The following SAFB variants were observed in gnomAD, a reference collection of about 807,000 sequenced individuals.
SAFB encodes the protein scaffold attachment factor B1.
In SAFB, 15 loss-of-function variants were observed where a neutral mutation model predicts 101.6. The observed-to-expected ratio is 0.15, with a 90% confidence interval of 0.10 to 0.23. The LOEUF is 0.23. Among genes scored for constraint, SAFB ranks in the 10% least tolerant of loss-of-function variants. The pLI is 1.00. For missense variants in SAFB, 930 were observed against 1,104.1 expected (o/e 0.84, Z 2.23); for synonymous variants, 449 against 407.5 (o/e 1.10, Z -1.23).
At position 5,667,212 on chromosome 19, in the gene SAFB, G is replaced by C. The variant is rs751529190; in HGVS notation, c.2453+48G>C. Reference sequence around the variant, plus strand: ...TACCTGACCCCCCCCCCGCCCACAAGGGGGCCCGCAAGTCGCTGGGATGTG... The same window carrying C: ...TACCTGACCCCCCCCCCGCCCACAACGGGGCCCGCAAGTCGCTGGGATGTG... On this transcript the variant is annotated intron_variant, in intron 18 of 20. Coordinates refer to ENST00000588852, the MANE Select transcript of SAFB (RefSeq NM_001201338.2). This position sits in a 1 kb window ranked among gnomAD's most constrained non-coding sequence, Gnocchi z 4.0. 143 of 1,278,612 alleles carry C rather than the reference G, an allele frequency of 1.1e-4. 2 individuals are homozygous for C. The Admixed American group carries it at 3.1e-3, about 28-fold the overall frequency. The allele number at this position is 1,278,612 out of a possible 1,614,324, so 79.2% of individuals were successfully genotyped here.
chr19:5,648,174 C>T, intron 6 of SAFB, 131 bp downstream of exon 6: 3 of 732,050 alleles, frequency 4.1e-6, no homozygotes, highest in African/African-American at 1.8e-5. Flanking sequence ...GTTTACAATC[C>T]AAAACCTACC....
chr19:5,658,563 G>A (rs2054117844), intron 14 of SAFB, among the ~76,000 whole-genome samples: 1 of 152,152 alleles, frequency 6.6e-6, no homozygotes, highest in Non-Finnish European at 1.5e-5. Flanking sequence ...ATGTAGGCCA[G>A]GCGCGGTGGC....
intron 4 of SAFB, among the ~76,000 whole-genome samples, chr19:5,642,817 C>G (rs1220808651): frequency 1.3e-5 from 2 of 151,928 alleles, no homozygotes; most frequent in East Asian, 3.9e-4. Context: ...AGGCGCCCAC[C>G]ACCAAGCCCG....
intron 14 of SAFB, among the ~76,000 whole-genome samples, chr19:5,660,774 G>A (rs1039663973): frequency 6.9e-6 from 1 of 145,270 alleles, no homozygotes; most frequent in Non-Finnish European, 1.5e-5. Context: ...AAAGACTGGA[G>A]AAATGCACTA....
rs202101624 is a variant in SAFB at position 5,623,252 on chromosome 19, C to T, written c.47C>T (p.Ala16Val). 5 of 1,568,208 alleles carry T rather than the reference C, an allele frequency of 3.2e-6. No individual in the cohort carries two copies. The highest frequency in any genetic ancestry group is 2.4e-5 in the East Asian group (1 of 41,550). ...CTAGGTGATTCTGGAGCGGCGGGCG[C>T]GGCGGCTCTGAGCTCCGCCTCGTCA... ...SGLGDSGAAG[A>V]AALSSASSET... Residue 16 changes from alanine to valine, a missense_variant, in exon 1 of 21, where the codon GCG (alanine) becomes GTG (valine). Ala to Val is a moderately conservative substitution (Grantham distance 64). Transcript: ENST00000588852.
intron 17 of SAFB, chr19:5,666,710 C>T (rs890973388): frequency 3.5e-5 from 13 of 375,188 alleles, no homozygotes; most frequent in Non-Finnish European, 4.9e-5. Flanking sequence ...GGGAACTAAC[C>T]ATTTGAGCTG....
At chr19:5,649,753 T>A in intron 7 of SAFB, 173 bp from the exon 8 acceptor site, 1 of 785,968 alleles carries the variant, frequency 1.3e-6, no homozygotes, top group Non-Finnish European at 2.1e-6. Flanking sequence ...AATTAACTCC[T>A]GTGGGTCTGA....
At position 5,641,859 on chromosome 19, in the gene SAFB, T is replaced by G; in HGVS notation, c.459T>G (p.Ala153=). The G allele has an allele frequency of 6.2e-7, 1 of 1,614,166 alleles. No homozygotes were observed. The highest frequency in any genetic ancestry group is 1.1e-5 in the South Asian group (1 of 91,084). ...SVADCVEDDD[A]DNLQESLSDS... Reference sequence around the variant, plus strand: ...CAGATTGTGTCGAAGACGATGATGCTGATAACCTCCAGGAGTCCCTGTCGG... The same window carrying G: ...CAGATTGTGTCGAAGACGATGATGCGGATAACCTCCAGGAGTCCCTGTCGG... Residue 153 remains alanine, a synonymous_variant, in exon 4 of 21, where the codon GCT becomes GCG. Transcript: ENST00000588852.
chr19:5,659,862 C>G (rs577845098), intron 14 of SAFB, among the ~76,000 whole-genome samples: 24 of 152,242 alleles, frequency 1.6e-4, no homozygotes, highest in Admixed American at 5.2e-4. Context: ...CCATATCTGG[C>G]GTAGAGGAAC....
chr19:5,623,678 C>T (rs946804984), intron 1 of SAFB, among the ~76,000 whole-genome samples: 5 of 152,118 alleles, frequency 3.3e-5, no homozygotes, highest in Non-Finnish European at 5.9e-5. Context: ...GGAGGGTTCT[C>T]CCCTCGTCTC....
At chr19:5,644,439 C>T (rs538027949) in intron 4 of SAFB, among the ~76,000 whole-genome samples, 3 of 152,186 alleles carry the variant, frequency 2.0e-5, no homozygotes, top group African/African-American at 4.8e-5. Flanking sequence ...TGATGTGCTG[C>T]CCCTGGTGCA....
chr19:5,638,106 C>A (rs2053631444), intron 2 of SAFB, among the ~76,000 whole-genome samples: 1 of 152,138 alleles, frequency 6.6e-6, no homozygotes, highest in South Asian at 2.1e-4. Context: ...ATAAATACTG[C>A]TGTTTGGATG....
Sources: allele counts gnomAD v4.1 joint callset (sites outside exome capture counted in the v4.1 genomes callset), GRCh38; gene constraint gnomAD v4.1.1; non-coding constraint Gnocchi (gnomAD v3.1); transcripts MANE v1.5; gene names NCBI Gene and HGNC (gene_info 2026-07-23, HGNC 2026-07-21).